Variants in RPH3A observed in about 807,000 individuals in gnomAD.
RPH3A encodes rabphilin-3A.
RPH3A carries 48 observed loss-of-function variants against 102.2 expected under a neutral mutation model. The ratio of observed to expected loss-of-function variants is 0.47; its 90% CI spans 0.37 to 0.60. The LOEUF is 0.60. Among genes scored for constraint, RPH3A ranks in the 20% least tolerant of loss-of-function variants. RPH3A has a pLI of 0.00. For synonymous variants in RPH3A, 310 were observed against 324.3 expected, an observed-to-expected ratio of 0.96 and a Z score of 0.47; for missense variants, 781 against 910.1, an observed-to-expected ratio of 0.86 and a Z score of 1.83.
chr12:112,778,635 A>G lies in RPH3A; in HGVS notation c.-139-13508A>G, dbSNP rs900293794. On this transcript the variant is annotated intron_variant, in intron 1 of 21. Coordinates refer to the RPH3A transcript ENST00000543106. Reference sequence around the variant, plus strand: ...GGCATGGCTGGATTCAGGTGCTCATATAATGGCGTCAGGAATCAGTTTCTT... The same window carrying G: ...GGCATGGCTGGATTCAGGTGCTCATGTAATGGCGTCAGGAATCAGTTTCTT... Among the ~76,000 whole-genome samples, 4 of 152,330 alleles carry G rather than the reference A, an allele frequency of 2.6e-5. No homozygotes were observed. In the South Asian group the frequency reaches 6.2e-4, roughly 24 times the overall value.
At chr12:112,581,107 G>C (rs934348916) in intron 1 of RPH3A, among the ~76,000 whole-genome samples, 2 of 152,146 alleles carry the variant, frequency 1.3e-5, no homozygotes, top group African/African-American at 2.4e-5. Context: ...TATTAGTGAG[G>C]AAGAATGTTT....
At chr12:112,797,887 C>T (rs2041264858) in intron 2 of RPH3A, among the ~76,000 whole-genome samples, 1 of 151,922 alleles carries the variant, frequency 6.6e-6, no homozygotes. Flanking sequence ...GGAGATCTCT[C>T]TATGTTGCTC....
rs377560126 is a variant in RPH3A, at chr12:112,876,936, C to T, written c.1171+70C>T. On this transcript the variant is annotated intron_variant, in intron 13 of 21. Coordinates refer to ENST00000389385, the MANE Select transcript of RPH3A (RefSeq NM_001143854.2). ...GGAGCCAAGCCCAGGAAAACAGGAACGGCTCAGGAACAGCCCTGTCTATCC... is the reference window on the plus strand; with the variant it reads ...GGAGCCAAGCCCAGGAAAACAGGAATGGCTCAGGAACAGCCCTGTCTATCC... The T allele has an allele frequency of 3.9e-4, 479 of 1,234,934 alleles. 4 individuals carry two copies. The African/African-American group carries it at 5.7e-3, about 15-fold the overall frequency. The allele number at this position is 1,234,934 out of a possible 1,614,324, so 76.5% of individuals were successfully genotyped here.
chr12:112,675,128 G>A (rs2040165299), intron 1 of RPH3A, among the ~76,000 whole-genome samples: 1 of 151,964 alleles, frequency 6.6e-6, no homozygotes, highest in African/African-American at 2.4e-5. Flanking sequence ...TGTGTCTAAA[G>A]TTTTATTATT....
At chr12:112,684,659 A>G (rs56278638) in intron 1 of RPH3A, among the ~76,000 whole-genome samples, 6 of 152,056 alleles carry the variant, frequency 3.9e-5, no homozygotes, top group Non-Finnish European at 7.4e-5. Context: ...ACAAATTTAT[A>G]TGGCTATTAG....
intron 4 of RPH3A, among the ~76,000 whole-genome samples, chr12:112,838,662 T>G (rs2042094317): frequency 6.6e-6 from 1 of 152,232 alleles, no homozygotes. Context: ...CCGACAGCAT[T>G]TCCATCATCC....
intron 4 of RPH3A, among the ~76,000 whole-genome samples, chr12:112,839,097 G>T (rs2042101995): frequency 6.6e-6 from 1 of 151,818 alleles, no homozygotes; most frequent in African/African-American, 2.4e-5. Context: ...TTACCACAGT[G>T]GTCTTTAGAC....
intron 1 of RPH3A, among the ~76,000 whole-genome samples, chr12:112,786,603 A>G (rs1275146187): frequency 6.6e-6 from 1 of 152,214 alleles, no homozygotes; most frequent in African/African-American, 2.4e-5. Context: ...GACAAAGCCC[A>G]GTGTTCAGGC....
intron 1 of RPH3A, among the ~76,000 whole-genome samples, chr12:112,777,966 A>T (rs1042206612): frequency 1.3e-5 from 2 of 152,232 alleles, no homozygotes; most frequent in South Asian, 2.1e-4. Flanking sequence ...GTGAATGCAT[A>T]GGCCTGACAT....
intron 20 of RPH3A, 132 bp from the exon 21 acceptor site, chr12:112,895,645 G>T (rs1052804837): frequency 3.2e-6 from 2 of 617,226 alleles, no homozygotes; most frequent in Admixed American, 2.4e-5. Context: ...GGCACGGGAA[G>T]ACCTCCTTGC....
chr12:112,746,985 G>A (rs942364629), intron 1 of RPH3A, among the ~76,000 whole-genome samples: 2 of 152,182 alleles, frequency 1.3e-5, no homozygotes, highest in Admixed American at 6.5e-5. Context: ...GGTTGTGTCT[G>A]TGCCCCCTTC....
intron 2 of RPH3A, among the ~76,000 whole-genome samples, chr12:112,823,439 A>G (rs535682269): frequency 1.3e-5 from 2 of 152,352 alleles, no homozygotes; most frequent in Admixed American, 6.5e-5. Flanking sequence ...TAATGTAGGT[A>G]TGGAATTTGG....
intron 1 of RPH3A, among the ~76,000 whole-genome samples, chr12:112,644,495 C>T (rs182761013): frequency 6.6e-6 from 1 of 152,238 alleles, no homozygotes; most frequent in Non-Finnish European, 1.5e-5. Context: ...TCTGATCTGC[C>T]CTGCAAATGA....
intron 1 of RPH3A, among the ~76,000 whole-genome samples, chr12:112,581,022 G>C (rs2039397263): frequency 6.6e-6 from 1 of 152,168 alleles, no homozygotes; most frequent in South Asian, 2.1e-4. Context: ...TAATAGACAA[G>C]AACTGTGGTA....
At chr12:112,886,939 T>C (rs1593129852) in intron 16 of RPH3A, among the ~76,000 whole-genome samples, 1 of 152,150 alleles carries the variant, frequency 6.6e-6, no homozygotes, top group African/African-American at 2.4e-5. Flanking sequence ...ATCAGGGAAA[T>C]GTAAATTAAA....
chr12:112,896,791 A>T lies in RPH3A; in HGVS notation c.*11A>T, dbSNP rs560525100. On this transcript the variant is annotated 3_prime_UTR_variant, in exon 22 of 22. Transcript: ENST00000389385. ...GTGTCAAGTGATTAGGCTAGTGCCC[A>T]GGTCCCCATCTCCATGTCCCGGGTC... 40 of 1,613,664 alleles carry T rather than the reference A, an allele frequency of 2.5e-5. No homozygotes were observed. The South Asian group carries it at 4.4e-4, about 18-fold the overall frequency.
At position 112,760,658 on chromosome 12, in the gene RPH3A, G is replaced by A. The variant is rs188078357; in HGVS notation, c.-139-31485G>A. Among the ~76,000 whole-genome samples the A allele has an allele frequency of 2.3e-3, 345 of 152,332 alleles. 2 individuals carry two copies. The highest frequency in any genetic ancestry group is 8.1e-3 in the African/African-American group (335 of 41,582). On this transcript the variant is annotated intron_variant, in intron 1 of 21. Coordinates refer to the RPH3A transcript ENST00000543106. Reference sequence around the variant, plus strand: ...GGCAAGTATAAATGGCTCCTGAGAGGACATGTTTACTCAGTGGCATGGGAA... The same window carrying A: ...GGCAAGTATAAATGGCTCCTGAGAGAACATGTTTACTCAGTGGCATGGGAA...
At chr12:112,634,731 T>C (rs1414601836) in intron 1 of RPH3A, among the ~76,000 whole-genome samples, 1 of 152,190 alleles carries the variant, frequency 6.6e-6, no homozygotes, top group Non-Finnish European at 1.5e-5. Context: ...CATAATCTCA[T>C]GAGTCACATA....
intron 1 of RPH3A, among the ~76,000 whole-genome samples, chr12:112,691,745 G>C (rs1168083170): frequency 6.6e-6 from 1 of 152,208 alleles, no homozygotes; most frequent in Non-Finnish European, 1.5e-5. Context: ...AGGCCTGGGA[G>C]CTAAAAGTAG....
Sources: gnomAD v4.1 joint callset for allele counts (sites outside exome capture counted in the v4.1 genomes callset) on GRCh38, gnomAD v4.1.1 for gene constraint, MANE v1.5 for transcripts, NCBI Gene and HGNC (gene_info 2026-07-23, HGNC 2026-07-21) for gene names.